Variants in GSR observed in about 807,000 individuals in gnomAD.
GSR encodes glutathione reductase, mitochondrial.
In GSR, 48 loss-of-function variants were observed where a neutral mutation model predicts 56.5. The ratio of observed to expected loss-of-function variants is 0.85; its 90% CI spans 0.67 to 1.08. The LOEUF (loss-of-function observed/expected upper bound fraction) is 1.08, where lower values mean the gene tolerates loss of function less well. Ranked by LOEUF, GSR falls within the 50% of genes least tolerant of loss-of-function variation. GSR has a pLI of 0.00. For synonymous variants in GSR, 264 were observed against 270.8 expected (o/e 0.97, Z 0.25); for missense variants, 694 against 703.3 (o/e 0.99, Z 0.15).
intron 8 of GSR, among the ~76,000 whole-genome samples, chr8:30,690,155 A>ATT (rs1554570682): frequency 1.2e-4 from 11 of 95,632 alleles, no homozygotes; most frequent in Non-Finnish European, 1.1e-4. Context: ...TAAATAAAAT[A>ATT]ATATATTTAT....
intron 9 of GSR, among the ~76,000 whole-genome samples, chr8:30,688,863 C>T (rs572541766): frequency 4.2e-4 from 63 of 151,730 alleles, no homozygotes; most frequent in African/African-American, 1.4e-3. Context: ...GTTAAGACTG[C>T]GGTGAGCTAT....
At chr8:30,690,331 T>C (rs911409950) in intron 8 of GSR, among the ~76,000 whole-genome samples, 2 of 151,938 alleles carry the variant, frequency 1.3e-5, no homozygotes, top group Non-Finnish European at 2.9e-5. Flanking sequence ...GGCTAATTTT[T>C]AAATTTTTCA....
At chr8:30,686,774 C>T (rs1407429834) in intron 9 of GSR, among the ~76,000 whole-genome samples, 1 of 151,744 alleles carries the variant, frequency 6.6e-6, no homozygotes, top group African/African-American at 2.4e-5. Flanking sequence ...CAAAATATCT[C>T]TTGAAAGGTG....
chr8:30,723,216 G>A (rs1804606420), intron 1 of GSR, among the ~76,000 whole-genome samples: 2 of 152,186 alleles, frequency 1.3e-5, no homozygotes, highest in African/African-American at 4.8e-5. Context: ...GCGAACCACA[G>A]AGGCAAAGCT....
intron 1 of GSR, among the ~76,000 whole-genome samples, chr8:30,724,305 T>A (rs1804652279): frequency 6.6e-6 from 1 of 152,132 alleles, no homozygotes; most frequent in South Asian, 2.1e-4. Flanking sequence ...ACCACAAAAC[T>A]ACTTTCACTG....
intron 8 of GSR, among the ~76,000 whole-genome samples, chr8:30,691,371 A>G (rs984710517): frequency 3.3e-5 from 5 of 151,406 alleles, no homozygotes; most frequent in Admixed American, 3.3e-4. Flanking sequence ...AAAACAAAAC[A>G]AACAAACCAA....
rs542137762 is a variant in GSR, at chr8:30,714,668, CTTT to C, written c.307-2583_307-2581del. ...AGCTACCATACGTGGCCTGTATATG[CTTT>C]TTATTTTATTTTTTAAATAAAAATT... On this transcript the variant is annotated intron_variant, in intron 1 of 12. Coordinates refer to ENST00000221130, the MANE Select transcript of GSR (RefSeq NM_000637.5). Among the ~76,000 whole-genome samples, 304 of 151,816 alleles carry C rather than the reference CTTT, an allele frequency of 2.0e-3. 2 individuals are homozygous for C. Among genetic ancestry groups the C allele is most frequent in the African/African-American group, 6.3e-3 (260 of 41,408 alleles).
At position 30,681,103 on chromosome 8, in the gene GSR, G is replaced by A. The variant is rs989347421; in HGVS notation, c.1286-66C>T. ...ACAATTACACTGAACTATCAAAGAG[G>A]GAGATGACCAGAAATACATAACCTC... On this transcript the variant is annotated intron_variant, in intron 11 of 12. Coordinates refer to ENST00000221130, the MANE Select transcript of GSR (RefSeq NM_000637.5). 3.8e-6 allele frequency: 5 copies of A among 1,325,172 alleles called. No homozygotes were observed. The African/African-American group carries it at 7.2e-5, about 19-fold the overall frequency. The allele number at this position is 1,325,172 out of a possible 1,614,324, so 82.1% of individuals were successfully genotyped here.
Position 30,680,910 on chromosome 8 carries a change from T to C in GSR, c.1413A>G (p.Glu471=), listed in dbSNP as rs771943076. ...CVMKMVCANK[E]EKVVGIHMQG... ...TTGCTGGATTTTTCCTTACCTTTTCTTCCTTGTTAGCACAGACCATTTTCA... is the reference window on the plus strand; with the variant it reads ...TTGCTGGATTTTTCCTTACCTTTTCCTCCTTGTTAGCACAGACCATTTTCA... The change falls in exon 12 of 13, where the codon GAA becomes GAG. Residue 471 remains glutamate, a synonymous_variant. Transcript: ENST00000221130. 2.5e-6 allele frequency: 4 copies of C among 1,613,594 alleles called. No homozygotes were observed. Among genetic ancestry groups the C allele is most frequent in the African/African-American group, 1.3e-5 (1 of 74,930 alleles).
At chr8:30,727,509 G>T (rs1804774489) in intron 1 of GSR, 21 bp downstream of exon 1, 1 of 1,534,236 alleles carries the variant, frequency 6.5e-7, no homozygotes, top group South Asian at 1.2e-5. Context: ...CCCCCCGCCC[G>T]AACAAACCGG....
Position 30,708,128 on chromosome 8 carries a change from T to C in GSR, c.436A>G (p.Lys146Glu), listed in dbSNP as rs1347521325. ...GKFNWRVIKE[K>E]RDAYVSRLNA... ...AGGCGGCTCACATAGGCATCCCGCT[T>C]TTCCTTAATAACACTGCAATGAAAC... Residue 146 changes from lysine (K) to glutamate (E), a missense_variant, in exon 4 of 13, where the codon AAG becomes GAG. Coordinates refer to ENST00000221130, the MANE Select transcript of GSR (RefSeq NM_000637.5). The C allele has an allele frequency of 6.2e-7, 1 of 1,612,302 alleles. No individual in the cohort carries two copies. Among genetic ancestry groups the C allele is most frequent in the South Asian group, 1.1e-5 (1 of 91,038 alleles).
intron 1 of GSR, among the ~76,000 whole-genome samples, chr8:30,713,513 C>T (rs931001785): frequency 2.6e-5 from 4 of 151,922 alleles, no homozygotes; most frequent in African/African-American, 4.8e-5. Context: ...CGCCTGCCAT[C>T]CTGCCTGGCT....
chr8:30,725,286 A>G (rs1586075227), intron 1 of GSR, among the ~76,000 whole-genome samples: 1 of 151,972 alleles, frequency 6.6e-6, no homozygotes, highest in Admixed American at 6.6e-5. Context: ...CTAAAAAACA[A>G]TAAATAAAAT....
intron 9 of GSR, among the ~76,000 whole-genome samples, chr8:30,688,449 C>T (rs940326254): frequency 6.6e-6 from 1 of 151,790 alleles, no homozygotes; most frequent in African/African-American, 2.4e-5. Flanking sequence ...TGTGGTGGCA[C>T]ATTCCTGTAG....
At chr8:30,719,068 T>G (rs1804437808) in intron 1 of GSR, among the ~76,000 whole-genome samples, 1 of 149,792 alleles carries the variant, frequency 6.7e-6, no homozygotes, top group African/African-American at 2.5e-5. Flanking sequence ...TACCTGGGAT[T>G]ACAGGTGCCC....
Position 30,712,086 on chromosome 8 carries a change from C to T in GSR, c.309G>A (p.Val103=), listed in dbSNP as rs757681942. ...CCTTTTTGGGTACACATCCAACATT[C>T]ACCTGGAAAAAAAAAAAAGAGACAC... is the stretch of plus-strand genomic sequence containing the variant. ...VESHKLGGTC[V]NVGCVPKKVM... is the part of the protein sequence containing the mutation. The change falls in exon 2 of 13, where the codon GTG becomes GTA. Residue 103 remains valine (V), a splice_region_variant and synonymous_variant. Coordinates refer to ENST00000221130, the MANE Select transcript of GSR (RefSeq NM_000637.5). 19 of 1,431,788 alleles carry T rather than the reference C, an allele frequency of 1.3e-5. No individual in the cohort carries two copies. The highest frequency in any genetic ancestry group is 5.4e-5 in the Admixed American group (3 of 55,948). 88.7% of individuals were successfully genotyped at this position (1,431,788 alleles called of 1,614,324 possible). A position where few individuals can be genotyped will look rare whatever the true frequency, so the allele number is the denominator to read the frequency against.
At position 30,709,894 on chromosome 8, in the gene GSR, C is replaced by T; in HGVS notation, c.342G>A (p.Trp114Ter). 1 of 1,419,276 alleles carries T rather than the reference C, an allele frequency of 7.0e-7. No homozygotes were observed. The allele number at this position is 1,419,276 out of a possible 1,614,324, so 87.9% of individuals were successfully genotyped here. A position where few individuals can be genotyped will look rare whatever the true frequency, so the allele number is the denominator to read the frequency against. Residue 114 changes from tryptophan (W) to a stop codon, truncating the protein, a stop_gained, in exon 3 of 13, where the codon TGG becomes TGA. Transcript: ENST00000221130. LOFTEE classifies it high-confidence loss of function. Reference protein sequence around the residue: ...NVGCVPKKVMWNTAVHSEFMH... With the variant: ...NVGCVPKKVM ...TGAATTCAGAGTGGACAGCTGTGTTCCACATTACCTGTAAAAAAAAAAAAA... is the reference window on the plus strand; with the variant it reads ...TGAATTCAGAGTGGACAGCTGTGTTTCACATTACCTGTAAAAAAAAAAAAA...
At chr8:30,681,898 C>T in intron 11 of GSR, 32 bp downstream of exon 11, 1 of 1,609,716 alleles carries the variant, frequency 6.2e-7, no homozygotes, top group South Asian at 1.1e-5. Context: ...AGGAAGGAAA[C>T]CACAAATGAC....
chr8:30,709,749 T>C (rs1804060922), intron 3 of GSR, 65 bp downstream of exon 3: 1 of 899,536 alleles, frequency 1.1e-6, no homozygotes, highest in Admixed American at 1.8e-5. Context: ...AAAAAGTTTA[T>C]GGCTCAGTTA....
Sources: allele counts gnomAD v4.1 joint callset (sites outside exome capture counted in the v4.1 genomes callset), GRCh38; gene constraint gnomAD v4.1.1; transcripts MANE v1.5; gene names NCBI Gene and HGNC (gene_info 2026-07-23, HGNC 2026-07-21).